Variants in EYA3 observed in about 807,000 individuals in gnomAD.
EYA3 encodes protein phosphatase EYA3.
In EYA3, 39 loss-of-function variants were observed where a neutral mutation model predicts 80.0. That is an observed-to-expected ratio of 0.49 (90% confidence interval 0.38 to 0.64). The LOEUF is 0.64. Among genes scored for constraint, EYA3 ranks in the 30% least tolerant of loss-of-function variants. The pLI is 0.00. For synonymous variants in EYA3, 206 were observed against 232.8 expected (o/e 0.88, Z 1.05); for missense variants, 523 against 676.1 (o/e 0.77, Z 2.51).
At chr1:27,986,409 T>C (rs1460790400) in intron 16 of EYA3, among the ~76,000 whole-genome samples, 1 of 151,756 alleles carries the variant, frequency 6.6e-6, no homozygotes, top group Non-Finnish European at 1.5e-5. Context: ...ATTTTTTTTT[T>C]TTTTTTTGAG....
intron 4 of EYA3, among the ~76,000 whole-genome samples, chr1:28,041,316 A>T (rs1643764457): frequency 6.6e-6 from 1 of 152,292 alleles, no homozygotes; most frequent in South Asian, 2.1e-4. Context: ...GTGAGCGGAG[A>T]TCTTGCCATT....
At chr1:27,998,119 G>A (rs1640583118) in intron 12 of EYA3, among the ~76,000 whole-genome samples, 1 of 152,146 alleles carries the variant, frequency 6.6e-6, no homozygotes, top group Admixed American at 6.6e-5. Context: ...ACCACTTAGG[G>A]TACCTGCATC....
At position 27,972,440 on chromosome 1, in the gene EYA3, C is replaced by A. The variant is rs6699701; in HGVS notation, c.*2026G>T. 1.3e-5 allele frequency: 2 copies of A among 151,960 alleles called. No homozygotes were observed. Among genetic ancestry groups the A allele is most frequent in the South Asian group, 2.1e-4 (1 of 4,818 alleles). 9.4% of individuals were successfully genotyped at this position (151,960 alleles called of 1,614,324 possible). ...AGCAAAAACTTACTCCTTAAAATCA[C>A]GAGTTATGAGCGCTTTTCAATGAGT... On this transcript the variant is annotated 3_prime_UTR_variant, in exon 18 of 18. Transcript: ENST00000373871.
intron 11 of EYA3, among the ~76,000 whole-genome samples, chr1:28,000,935 C>T (rs1640790883): frequency 6.6e-6 from 1 of 151,976 alleles, no homozygotes; most frequent in African/African-American, 2.4e-5. Flanking sequence ...CATGGTGGTG[C>T]ACACCTGCAG....
At chr1:28,069,464 A>G (rs750552437) in intron 1 of EYA3, among the ~76,000 whole-genome samples, 3 of 151,260 alleles carry the variant, frequency 2.0e-5, no homozygotes, top group African/African-American at 4.9e-5. Context: ...CGGCTGAGGT[A>G]GGAGGATCCC....
At chr1:27,988,438 A>G (rs1639811192) in intron 16 of EYA3, 97 bp downstream of exon 16, 2 of 1,356,194 alleles carry the variant, frequency 1.5e-6, no homozygotes, top group East Asian at 2.4e-5. Context: ...TATTACAAAT[A>G]AAGTGTCTAA....
intron 1 of EYA3, among the ~76,000 whole-genome samples, chr1:28,062,657 G>GGT (rs71027260): frequency 0.067 from 9,534 of 141,544 alleles, 307 homozygotes; most frequent in Middle Eastern, 0.12. Context: ...AATATATGTA[G>GGT]GTGTGTGTGT....
intron 16 of EYA3, among the ~76,000 whole-genome samples, chr1:27,982,095 C>T (rs1474715092): frequency 6.6e-6 from 1 of 151,330 alleles, no homozygotes; most frequent in Non-Finnish European, 1.5e-5. Flanking sequence ...CAACCTCCGC[C>T]TCCCAGGCGC....
intron 11 of EYA3, among the ~76,000 whole-genome samples, chr1:28,001,011 G>A (rs935352688): frequency 6.6e-6 from 1 of 152,126 alleles, no homozygotes; most frequent in African/African-American, 2.4e-5. Context: ...GTTGCAGTAA[G>A]CTGAGACTGC....
chr1:27,997,322 C>CA lies in EYA3; in HGVS notation c.1139dup (p.Leu380PhefsTer17). On this transcript the variant is annotated frameshift_variant, in exon 13 of 18. Coordinates refer to ENST00000373871, the MANE Select transcript of EYA3 (RefSeq NM_001990.4). LOFTEE classifies it high-confidence loss of function. ...TCAAGAATCATTATGTTTATCACCT[C>CA]AAGTCTTGGCCATTGTCATCAGAAG... 1 of 1,613,972 alleles carries CA rather than the reference C, an allele frequency of 6.2e-7. No individual in the cohort carries two copies. Among genetic ancestry groups the CA allele is most frequent in the Non-Finnish European group, 8.5e-7 (1 of 1,179,840 alleles).
chr1:27,979,112 G>C (rs1000623829), intron 16 of EYA3, among the ~76,000 whole-genome samples: 2 of 152,202 alleles, frequency 1.3e-5, no homozygotes, highest in South Asian at 4.1e-4. Flanking sequence ...CAAGTAGCTA[G>C]AACTTGGGGC....
chr1:28,008,459 C>T (rs941605331), intron 10 of EYA3, among the ~76,000 whole-genome samples: 4 of 151,542 alleles, frequency 2.6e-5, no homozygotes, highest in African/African-American at 9.7e-5. Flanking sequence ...AATCAGACTT[C>T]CTAAACATTA....
intron 13 of EYA3, among the ~76,000 whole-genome samples, chr1:27,994,133 T>G (rs549775878): frequency 2.9e-4 from 44 of 152,316 alleles, no homozygotes; most frequent in African/African-American, 1.0e-3. Flanking sequence ...ATACTTAAAA[T>G]ATAAATAGAA....
chr1:27,978,828 G>A (rs959034989), intron 16 of EYA3, among the ~76,000 whole-genome samples: 1 of 152,196 alleles, frequency 6.6e-6, no homozygotes, highest in Non-Finnish European at 1.5e-5. Flanking sequence ...TGGGCATGGC[G>A]GCGCGTGCCT....
intron 16 of EYA3, 112 bp downstream of exon 16, chr1:27,988,423 G>T: frequency 1.7e-6 from 2 of 1,173,172 alleles, no homozygotes; most frequent in Non-Finnish European, 1.2e-6. Flanking sequence ...TGTGAGGACT[G>T]TAGGTATTAC....
Position 28,011,005 on chromosome 1 carries a change from C to T in EYA3, c.851G>A (p.Ser284Asn). ...AGCTTTCCTCTTGCCCCGGTTCTTG[C>T]TAGTCATGTTTTTCCTGGACTGATC... ...TDDQSRKNMT[S>N]KNRGKRKADA... The change falls in exon 10 of 18, where the codon AGC becomes AAC. Residue 284 changes from serine (S) to asparagine (N), a missense_variant. Around this residue, in one of 2 missense-constraint regions of EYA3, gnomAD observed 304 missense variants for 343.3 expected, o/e 0.89. Coordinates refer to ENST00000373871, the MANE Select transcript of EYA3 (RefSeq NM_001990.4). 2 of 1,614,096 alleles carry T rather than the reference C, an allele frequency of 1.2e-6. No individual in the cohort carries two copies. Among genetic ancestry groups the T allele is most frequent in the Non-Finnish European group, 1.7e-6 (2 of 1,180,004 alleles).
intron 1 of EYA3, among the ~76,000 whole-genome samples, chr1:28,087,521 T>C (rs750599305): frequency 1.3e-5 from 2 of 152,228 alleles, no homozygotes; most frequent in East Asian, 3.8e-4. Flanking sequence ...GAAATTACTA[T>C]AGTGAACTCT....
At chr1:28,069,272 G>A (rs763062684) in intron 1 of EYA3, among the ~76,000 whole-genome samples, 6 of 151,666 alleles carry the variant, frequency 4.0e-5, no homozygotes, top group African/African-American at 9.7e-5. Flanking sequence ...CACCACACTC[G>A]GCTAATTTTT....
intron 7 of EYA3, among the ~76,000 whole-genome samples, chr1:28,027,281 G>T (rs984067819): frequency 6.6e-6 from 1 of 152,200 alleles, no homozygotes; most frequent in Admixed American, 6.5e-5. Context: ...TAGAGCTTAA[G>T]CTTTAATACT....
Sources: gnomAD v4.1 joint callset for allele counts (sites outside exome capture counted in the v4.1 genomes callset) on GRCh38, gnomAD v4.1.1 for gene constraint, gnomAD v4.1.1 regional missense constraint, MANE v1.5 for transcripts, NCBI Gene and HGNC (gene_info 2026-07-23, HGNC 2026-07-21) for gene names.